Variants in PCM1 observed in about 807,000 individuals in gnomAD.
The protein encoded by PCM1 is pericentriolar material 1.
In PCM1, 157 loss-of-function variants were observed where a neutral mutation model predicts 241.9. The observed-to-expected ratio is 0.65, with a 90% confidence interval of 0.57 to 0.74. The LOEUF (loss-of-function observed/expected upper bound fraction) is 0.74, where lower values mean the gene tolerates loss of function less well. Ranked by LOEUF, PCM1 falls within the 30% of genes least tolerant of loss-of-function variation. PCM1 has a pLI of 0.00. For synonymous variants in PCM1, 1,085 were observed against 784.9 expected, an observed-to-expected ratio of 1.38 and a Z score of -6.39; for missense variants, 3,478 against 2,360.1, an observed-to-expected ratio of 1.47 and a Z score of -9.81.
At position 17,947,371 on chromosome 8, in the gene PCM1, A is replaced by G. The variant is rs1407212686; in HGVS notation, c.961+8A>G. 6.4e-7 allele frequency: 1 copy of G among 1,563,782 alleles called. No homozygotes were observed. Among genetic ancestry groups the G allele is most frequent in the East Asian group, 2.3e-5 (1 of 44,090 alleles). On this transcript the variant is annotated splice_region_variant and intron_variant, in intron 7 of 38. Coordinates refer to ENST00000325083, the MANE Select transcript of PCM1 (RefSeq NM_006197.4). ...CAGTGATGGATGATTCTGGTATGTC[A>G]CAGTCTGAGAATATTCTTTTTGTAA... is the stretch of plus-strand genomic sequence containing the variant.
intron 18 of PCM1, among the ~76,000 whole-genome samples, chr8:17,965,437 A>G (rs536144721): frequency 1.3e-5 from 2 of 152,338 alleles, no homozygotes; most frequent in Non-Finnish European, 1.5e-5. Flanking sequence ...TGTGCTAGGA[A>G]CCAGGCACAA....
At chr8:17,984,390 G>C (rs2129476479) in intron 24 of PCM1, among the ~76,000 whole-genome samples, 1 of 152,016 alleles carries the variant, frequency 6.6e-6, no homozygotes, top group South Asian at 2.1e-4. Context: ...TCATTTTTGT[G>C]ATAGTTCATA....
At chr8:17,969,009 ACCTT>A (rs1326387786) in intron 21 of PCM1, among the ~76,000 whole-genome samples, 1 of 151,474 alleles carries the variant, frequency 6.6e-6, no homozygotes, top group Non-Finnish European at 1.5e-5. Flanking sequence ...TTTTTGTGAA[ACCTT>A]CCCAGTCTCT....
At position 18,001,494 on chromosome 8, in the gene PCM1, C is replaced by A. The variant is rs1029165576; in HGVS notation, c.4828-4769C>A. ...GACTGGTAAGCAGTACTATTAATTT[C>A]ATTTAACAACATTGATCAGGGCAGA... On this transcript the variant is annotated intron_variant, in intron 29 of 38. Coordinates refer to ENST00000325083, the MANE Select transcript of PCM1 (RefSeq NM_006197.4). 2.6e-5 allele frequency among the ~76,000 whole-genome samples: 4 copies of A among 152,184 alleles called. 1 individual carries two copies. Among genetic ancestry groups the A allele is most frequent in the African/African-American group, 2.4e-5 (1 of 41,452 alleles).
At chr8:18,003,972 G>A (rs1379532310) in intron 29 of PCM1, among the ~76,000 whole-genome samples, 2 of 151,566 alleles carry the variant, frequency 1.3e-5, no homozygotes, top group Admixed American at 6.6e-5. Context: ...ATAAATATTT[G>A]TCAACATGTC....
chr8:17,968,762 G>GTGTGTGTGTGTGTGTGTGTATATA (rs373502456), intron 21 of PCM1, among the ~76,000 whole-genome samples: 12 of 136,780 alleles, frequency 8.8e-5, no homozygotes, highest in African/African-American at 3.3e-4. Context: ...GTGTGTGTGT[G>GTGTGTGTGTGTGTGTGTGTATATA]TATATATATA....
intron 2 of PCM1, among the ~76,000 whole-genome samples, chr8:17,933,317 A>G (rs999317595): frequency 1.3e-5 from 2 of 152,230 alleles, no homozygotes; most frequent in African/African-American, 4.8e-5. Flanking sequence ...TGTTGAAACC[A>G]TATAGACAGC....
chr8:17,924,874 AG>A (rs1368403792), intron 2 of PCM1, 94 bp downstream of exon 2: 2 of 152,216 alleles, frequency 1.3e-5, no homozygotes, highest in Non-Finnish European at 2.9e-5. Context: ...TGCATGACTG[AG>A]GATCCTCTCT....
chr8:17,986,049 G>T lies in PCM1; in HGVS notation c.4372G>T (p.Glu1458Ter), dbSNP rs774225003. The change falls in exon 26 of 39, where the codon GAA (glutamate) becomes TAA (stop). Residue 1458 changes from glutamate to a stop codon, truncating the protein, a stop_gained. Coordinates refer to ENST00000325083, the MANE Select transcript of PCM1 (RefSeq NM_006197.4). LOFTEE classifies it high-confidence loss of function. ...TGGTACTTGGATAGCATCAAACTCA[G>T]AACTTACTCCTAGTGAGAGCCTTGC... ...NSGTWIASNS[E>*]LTPSESLATT... 2 of 1,602,028 alleles carry T rather than the reference G, an allele frequency of 1.2e-6. No individual in the cohort carries two copies. Among genetic ancestry groups the T allele is most frequent in the Non-Finnish European group, 1.7e-6 (2 of 1,172,962 alleles).
chr8:18,024,669 G>C (rs1369814681), intron 36 of PCM1, among the ~76,000 whole-genome samples: 1 of 152,142 alleles, frequency 6.6e-6, no homozygotes, highest in African/African-American at 2.4e-5. Context: ...GCAAGGAAGT[G>C]AAATGGTCAA....
chr8:18,014,134 T>G, intron 35 of PCM1, 98 bp downstream of exon 35: 1 of 731,344 alleles, frequency 1.4e-6, no homozygotes, highest in Non-Finnish European at 2.2e-6. Context: ...ACACTAAAAT[T>G]CTTAGTTTGA....
chr8:17,959,871 G>A (rs2070828692), intron 13 of PCM1, 143 bp from the exon 14 acceptor site: 4 of 659,430 alleles, frequency 6.1e-6, no homozygotes, highest in Admixed American at 3.3e-5. Context: ...TATTGAACAC[G>A]TGTACACATG....
At chr8:17,945,516 C>T (rs2063467230) in intron 6 of PCM1, among the ~76,000 whole-genome samples, 1 of 152,138 alleles carries the variant, frequency 6.6e-6, no homozygotes, top group South Asian at 2.1e-4. Context: ...AGCCAACTTC[C>T]TATTTGATCA....
intron 29 of PCM1, among the ~76,000 whole-genome samples, chr8:18,004,612 C>T (rs1170771780): frequency 1.3e-5 from 2 of 152,136 alleles, no homozygotes; most frequent in South Asian, 2.1e-4. Context: ...TATGATGTCT[C>T]ATTTCACTTC....
Position 17,960,029 on chromosome 8 carries a change from CAAG to C in PCM1, c.2057_2059del (p.Gln686_Gly687delinsArg). The C allele has an allele frequency of 6.2e-7, 1 of 1,612,310 alleles. No individual in the cohort carries two copies. Among genetic ancestry groups the C allele is most frequent in the Non-Finnish European group, 8.5e-7 (1 of 1,179,284 alleles). On this transcript the variant is annotated inframe_deletion, in exon 14 of 39. Coordinates refer to ENST00000325083, the MANE Select transcript of PCM1 (RefSeq NM_006197.4). The stretch of plus-strand genomic sequence containing the variant: ...GCTCTTTCAGGATGATGATGCAGCT[CAAG>C]GAGTTATCTCTGCCAGTGCATCAAA...
chr8:17,990,724 T>C (rs759723355), intron 27 of PCM1, among the ~76,000 whole-genome samples: 1 of 152,182 alleles, frequency 6.6e-6, no homozygotes, highest in Non-Finnish European at 1.5e-5. Flanking sequence ...CCTGTTACTC[T>C]AGTGTTTGTT....
At chr8:17,932,897 G>A (rs1186275507) in intron 2 of PCM1, among the ~76,000 whole-genome samples, 1 of 152,006 alleles carries the variant, frequency 6.6e-6, no homozygotes. Flanking sequence ...ATACCCTAAG[G>A]CATCTGTTGT....
intron 30 of PCM1, among the ~76,000 whole-genome samples, chr8:18,008,524 A>G (rs1270171979): frequency 6.6e-6 from 1 of 152,014 alleles, no homozygotes; most frequent in Non-Finnish European, 1.5e-5. Flanking sequence ...TTGGGGGAAA[A>G]GTTGTCTTCT....
At chr8:18,013,042 G>A (rs1209040702) in intron 34 of PCM1, among the ~76,000 whole-genome samples, 1 of 152,152 alleles carries the variant, frequency 6.6e-6, no homozygotes, top group Admixed American at 6.5e-5. Flanking sequence ...TTCACTGCAG[G>A]TAGGGCATTT....
Sources: gnomAD v4.1 joint callset for allele counts (sites outside exome capture counted in the v4.1 genomes callset) on GRCh38, gnomAD v4.1.1 for gene constraint, MANE v1.5 for transcripts, NCBI Gene and HGNC (gene_info 2026-07-23, HGNC 2026-07-21) for gene names.